The following RAB10 variants were observed in gnomAD, a reference collection of about 807,000 sequenced individuals.
RAB10 encodes ras-related protein Rab-10.
A neutral mutation model predicts 25.7 loss-of-function variants in RAB10; 5 were observed. The ratio of observed to expected loss-of-function variants is 0.19; its 90% CI spans 0.10 to 0.41. The LOEUF (loss-of-function observed/expected upper bound fraction) is 0.41, where lower values mean the gene tolerates loss of function less well. RAB10 is among the 10% of genes least tolerant of loss of function. RAB10 has a pLI of 1.00. For synonymous variants in RAB10, 89 were observed against 86.4 expected (o/e 1.03, Z -0.16); for missense variants, 103 against 245.8 (o/e 0.42, Z 3.89).
chr2:26,095,424 G>C (rs1667191496), intron 1 of RAB10, among the ~76,000 whole-genome samples: 1 of 152,038 alleles, frequency 6.6e-6, no homozygotes, highest in Admixed American at 6.6e-5. Context: ...TGGCTAACAC[G>C]GTGAAACCCC....
intron 1 of RAB10, among the ~76,000 whole-genome samples, chr2:26,085,784 G>T (rs1487037084): frequency 6.6e-6 from 1 of 151,914 alleles, no homozygotes; most frequent in East Asian, 1.9e-4. Context: ...ATCACCTGAG[G>T]TCGAGAGTTC....
intron 1 of RAB10, 59 bp downstream of exon 1, chr2:26,034,794 C>T (rs1665727640): frequency 6.3e-7 from 1 of 1,594,046 alleles, no homozygotes; most frequent in Non-Finnish European, 8.6e-7. Context: ...TTATTTTACT[C>T]CAGACATCTT....
chr2:26,098,788 CT>C, intron 2 of RAB10, 66 bp downstream of exon 2: 2 of 1,338,708 alleles, frequency 1.5e-6, no homozygotes, highest in Non-Finnish European at 1.0e-6. Flanking sequence ...CAGTGAAATT[CT>C]TTTTTGTCAC....
chr2:26,118,117 C>T (rs917797560), intron 3 of RAB10, among the ~76,000 whole-genome samples: 3 of 151,918 alleles, frequency 2.0e-5, no homozygotes, highest in East Asian at 1.9e-4. Context: ...GGATTACAGG[C>T]GTGTGCCACC....
At chr2:26,122,773 G>C (rs969514339) in intron 3 of RAB10, among the ~76,000 whole-genome samples, 37 of 152,136 alleles carry the variant, frequency 2.4e-4, no homozygotes, top group Admixed American at 1.3e-4. Context: ...TTAGAAAGAG[G>C]CTTGGCCTAA....
intron 3 of RAB10, among the ~76,000 whole-genome samples, chr2:26,117,888 G>A (rs996147498): frequency 1.3e-5 from 2 of 152,146 alleles, no homozygotes; most frequent in African/African-American, 4.8e-5. Flanking sequence ...TTAGAGAAAC[G>A]TACTTTGGAC....
intron 5 of RAB10, among the ~76,000 whole-genome samples, chr2:26,134,221 TC>T (rs775571666): frequency 9.9e-4 from 150 of 152,172 alleles, no homozygotes; most frequent in Non-Finnish European, 1.7e-3. Flanking sequence ...GCTCAAGTGA[TC>T]CTCTTGCCTC....
chr2:26,083,950 A>G (rs116582587), intron 1 of RAB10, among the ~76,000 whole-genome samples: 18 of 152,386 alleles, frequency 1.2e-4, no homozygotes, highest in Admixed American at 4.6e-4. Context: ...AGGCTTAGAC[A>G]TGGAAAACTA....
intron 1 of RAB10, among the ~76,000 whole-genome samples, chr2:26,062,658 AT>A (rs1195985631): frequency 6.6e-6 from 1 of 150,430 alleles, no homozygotes; most frequent in African/African-American, 2.4e-5. Context: ...AGCCTGGGCA[AT>A]AGAGCGAGAC....
At position 26,041,347 on chromosome 2, in the gene RAB10, C is replaced by T. The variant is rs191213362; in HGVS notation, c.127+6612C>T. ...CCAGAGGTCAGGAGTTTGAGACCAG[C>T]CTGGCCAACATGGTGAAACCCCGTC... is the stretch of plus-strand genomic sequence containing the variant. On this transcript the variant is annotated intron_variant, in intron 1 of 5. Coordinates refer to ENST00000264710, the MANE Select transcript of RAB10 (RefSeq NM_016131.5). Among the ~76,000 whole-genome samples the T allele has an allele frequency of 1.8e-3, 268 of 151,696 alleles. 2 individuals are homozygous for T. The highest frequency in any genetic ancestry group is 2.6e-3 in the Non-Finnish European group (178 of 67,924).
chr2:26,056,096 GT>G (rs1204870096), intron 1 of RAB10, among the ~76,000 whole-genome samples: 1 of 151,900 alleles, frequency 6.6e-6, no homozygotes, highest in African/African-American at 2.4e-5. Flanking sequence ...TCTCTATGTT[GT>G]CTAGGCTAGT....
At chr2:26,088,676 C>T (rs774530843) in intron 1 of RAB10, among the ~76,000 whole-genome samples, 7 of 152,052 alleles carry the variant, frequency 4.6e-5, no homozygotes, top group African/African-American at 1.4e-4. Context: ...TGCAGTGGTG[C>T]GATCTCGTCT....
At chr2:26,039,407 G>A (rs1275018801) in intron 1 of RAB10, among the ~76,000 whole-genome samples, 4 of 151,872 alleles carry the variant, frequency 2.6e-5, no homozygotes, top group African/African-American at 9.7e-5. Context: ...GTGTAGTGGC[G>A]CGATCTGGGC....
In RAB10 at chr2:26,042,015, C is replaced by G. The variant is rs536719799; in HGVS notation, c.127+7280C>G. ...CAGTGGTTGATTTGACCATAACCAT[C>G]TTGGTAGTATGAGCTCAGGAATGCG... On this transcript the variant is annotated intron_variant, in intron 1 of 5. Transcript: ENST00000264710. Among the ~76,000 whole-genome samples the G allele has an allele frequency of 3.9e-5, 6 of 152,290 alleles. No individual in the cohort carries two copies. The East Asian group carries it at 5.8e-4, about 15-fold the overall frequency.
intron 1 of RAB10, among the ~76,000 whole-genome samples, chr2:26,045,464 C>G (rs1665981577): frequency 6.6e-6 from 1 of 151,864 alleles, no homozygotes; most frequent in Non-Finnish European, 1.5e-5. Flanking sequence ...TGGTCTCGAT[C>G]TCCTGACCTC....
rs1343417280 is a variant in RAB10, at chr2:26,034,528, G to T, written c.-81G>T. 52 of 1,577,384 alleles carry T rather than the reference G, an allele frequency of 3.3e-5. No individual in the cohort carries two copies. Among genetic ancestry groups the T allele is most frequent in the Non-Finnish European group, 4.5e-5 (52 of 1,158,976 alleles). ...TTCCCCGGTCCTCCGGCCTGAGAAC[G>T]CCCGAGTGAGGAGTTGGCCGTAGTG... On this transcript the variant is annotated 5_prime_UTR_variant, in exon 1 of 6. Transcript: ENST00000264710.
chr2:26,108,522 T>C (rs928436973), intron 2 of RAB10, among the ~76,000 whole-genome samples: 25 of 152,306 alleles, frequency 1.6e-4, no homozygotes, highest in African/African-American at 6.0e-4. Flanking sequence ...AGAGGTGATG[T>C]AATAGTTCTT....
At chr2:26,089,146 C>T (rs1027463539) in intron 1 of RAB10, among the ~76,000 whole-genome samples, 20 of 151,908 alleles carry the variant, frequency 1.3e-4, no homozygotes, top group East Asian at 1.2e-3. Flanking sequence ...TGATTGAGGC[C>T]GGGCACGATG....
intron 1 of RAB10, among the ~76,000 whole-genome samples, chr2:26,057,152 C>T (rs1449788043): frequency 6.6e-6 from 1 of 152,100 alleles, no homozygotes; most frequent in Non-Finnish European, 1.5e-5. Context: ...TCTAAGTTAA[C>T]GTGTCCAGTA....
Sources: gnomAD v4.1 joint callset for allele counts (sites outside exome capture counted in the v4.1 genomes callset) on GRCh38, gnomAD v4.1.1 for gene constraint, MANE v1.5 for transcripts, NCBI Gene and HGNC (gene_info 2026-07-23, HGNC 2026-07-21) for gene names.